RGS7: variants seen among roughly 807,000 people sequenced by gnomAD.
RGS7 encodes the protein regulator of G-protein signaling 7.
Under a neutral mutation model 81.1 loss-of-function variants are expected in RGS7, and 27 were observed. The observed-to-expected ratio is 0.33, with a 90% confidence interval of 0.25 to 0.46. The LOEUF is 0.46. Ranked by LOEUF, RGS7 falls within the 20% of genes least tolerant of loss-of-function variation. RGS7 has a pLI of 1.00. For missense variants in RGS7, 396 were observed against 607.4 expected, an observed-to-expected ratio of 0.65 and a Z score of 3.66; for synonymous variants, 208 against 207.7, an observed-to-expected ratio of 1.00 and a Z score of -0.01.
At chr1:241,097,768 T>G (rs367643260) in intron 3 of RGS7, among the ~76,000 whole-genome samples, 1 of 152,178 alleles carries the variant, frequency 6.6e-6, no homozygotes, top group Non-Finnish European at 1.5e-5. Flanking sequence ...ATCTTATTAC[T>G]CTTCCTTGTG....
intron 6 of RGS7, among the ~76,000 whole-genome samples, chr1:240,908,631 C>T (rs926921708): frequency 6.6e-6 from 1 of 152,304 alleles, no homozygotes; most frequent in Non-Finnish European, 1.5e-5. Flanking sequence ...AGATAGAAGG[C>T]AACCCAGGTT....
chr1:241,205,596 C>T (rs1383722306), intron 2 of RGS7, among the ~76,000 whole-genome samples: 1 of 151,572 alleles, frequency 6.6e-6, no homozygotes, highest in Non-Finnish European at 1.5e-5. Flanking sequence ...GAACTACAGG[C>T]ATGCAACCAC....
chr1:240,861,562 C>A (rs147615340), intron 9 of RGS7, among the ~76,000 whole-genome samples: 145 of 152,188 alleles, frequency 9.5e-4, no homozygotes, highest in African/African-American at 3.3e-3. Flanking sequence ...TATTAGGAAG[C>A]TTTTATATTG....
chr1:240,996,369 A>G (rs1687284603), intron 3 of RGS7, among the ~76,000 whole-genome samples: 1 of 152,150 alleles, frequency 6.6e-6, no homozygotes, highest in Non-Finnish European at 1.5e-5. Context: ...TGCTTGATCT[A>G]TGGATCTATC....
At chr1:241,196,511 A>G (rs969318444) in intron 2 of RGS7, among the ~76,000 whole-genome samples, 1 of 152,138 alleles carries the variant, frequency 6.6e-6, no homozygotes, top group Admixed American at 6.5e-5. Context: ...CAGACAGTGC[A>G]CACAAATATC....
chr1:241,306,441 C>CA (rs1419177275), intron 2 of RGS7, among the ~76,000 whole-genome samples: 3 of 148,036 alleles, frequency 2.0e-5, no homozygotes, highest in African/African-American at 7.6e-5. Flanking sequence ...TTTACACACA[C>CA]CCCCACACAG....
intron 4 of RGS7, among the ~76,000 whole-genome samples, chr1:240,944,962 C>T (rs7528780): frequency 0.049 from 7,454 of 152,298 alleles, 228 homozygotes; most frequent in African/African-American, 0.075. Context: ...CTGCCTGCCT[C>T]GGCCTTCCCA....
At chr1:241,197,922 T>C (rs551015801) in intron 2 of RGS7, among the ~76,000 whole-genome samples, 1 of 145,118 alleles carries the variant, frequency 6.9e-6, no homozygotes, top group South Asian at 2.2e-4. Flanking sequence ...ATGCATAATT[T>C]ACCAAAATTA....
intron 3 of RGS7, among the ~76,000 whole-genome samples, chr1:240,993,143 GA>G (rs1686750632): frequency 1.4e-5 from 2 of 145,112 alleles, no homozygotes; most frequent in Non-Finnish European, 1.5e-5. Flanking sequence ...AGGAGGAAAG[GA>G]AAGGAAAGGA....
chr1:241,049,640 G>C (rs1357889546), intron 3 of RGS7, among the ~76,000 whole-genome samples: 1 of 152,124 alleles, frequency 6.6e-6, no homozygotes, highest in Non-Finnish European at 1.5e-5. Context: ...GATGCTAATG[G>C]GTATGTTGGA....
chr1:241,102,097 C>T (rs1367482950), intron 2 of RGS7, among the ~76,000 whole-genome samples: 3 of 152,160 alleles, frequency 2.0e-5, no homozygotes, highest in Admixed American at 2.0e-4. Context: ...GTGTTCTAGA[C>T]TGAAAACGTG....
chr1:241,221,047 G>GGAAGGA (rs1418501510), intron 2 of RGS7, among the ~76,000 whole-genome samples: 2,935 of 100,194 alleles, frequency 0.029, 180 homozygotes, highest in East Asian at 0.23. Flanking sequence ...GGAAAAGAAA[G>GGAAGGA]AAAGAAAGAA....
At chr1:241,037,448 C>A (rs902518142) in intron 3 of RGS7, among the ~76,000 whole-genome samples, 1 of 152,104 alleles carries the variant, frequency 6.6e-6, no homozygotes, top group African/African-American at 2.4e-5. Flanking sequence ...AGGCCGGGCC[C>A]AGTGGCTCAT....
chr1:241,165,949 G>A lies in RGS7; in HGVS notation c.79-67187C>T, dbSNP rs983765356. Among the ~76,000 whole-genome samples the A allele has an allele frequency of 4.6e-5, 7 of 152,014 alleles. No individual in the cohort carries two copies. In the East Asian group the frequency reaches 5.8e-4, roughly 13 times the overall value. ...GAGAAATTGTTAGCAACACAAATTCGTAGGCCCCGCCTCAGAACCTCAGAT... is the reference window on the plus strand; with the variant it reads ...GAGAAATTGTTAGCAACACAAATTCATAGGCCCCGCCTCAGAACCTCAGAT... On this transcript the variant is annotated intron_variant, in intron 2 of 18. Coordinates refer to ENST00000440928, the MANE Select transcript of RGS7 (RefSeq NM_001364886.1).
At chr1:240,818,098 C>T (rs1007483881) in intron 10 of RGS7, among the ~76,000 whole-genome samples, 3 of 151,880 alleles carry the variant, frequency 2.0e-5, no homozygotes, top group African/African-American at 7.3e-5. Flanking sequence ...TAATGCCAAA[C>T]AAGAGGCAGG....
chr1:240,867,073 TA>T (rs1663450212), intron 9 of RGS7, among the ~76,000 whole-genome samples: 1 of 152,242 alleles, frequency 6.6e-6, no homozygotes, highest in East Asian at 1.9e-4. Context: ...CCTGACCTCA[TA>T]ATCCTTTTTC....
At chr1:241,176,764 T>C (rs2071178128) in intron 2 of RGS7, among the ~76,000 whole-genome samples, 1 of 152,118 alleles carries the variant, frequency 6.6e-6, no homozygotes, top group Non-Finnish European at 1.5e-5. Context: ...TGAAGACTTA[T>C]GACCTGAGGG....
chr1:241,337,655 C>G (rs1408637141), intron 2 of RGS7, among the ~76,000 whole-genome samples: 1 of 152,138 alleles, frequency 6.6e-6, no homozygotes, highest in African/African-American at 2.4e-5. Context: ...CACTTCAATG[C>G]ACAAAACACA....
chr1:241,350,904 C>A (rs2148739658), intron 2 of RGS7, among the ~76,000 whole-genome samples: 1 of 152,250 alleles, frequency 6.6e-6, no homozygotes, highest in African/African-American at 2.4e-5. Context: ...GCTAAGAGAC[C>A]AGTAATATCT....
Sources: allele counts gnomAD v4.1 joint callset (sites outside exome capture counted in the v4.1 genomes callset), GRCh38; gene constraint gnomAD v4.1.1; transcripts MANE v1.5; gene names NCBI Gene and HGNC (gene_info 2026-07-23, HGNC 2026-07-21).